KSR1: variants seen among roughly 807,000 people sequenced by gnomAD.
KSR1 encodes the protein kinase suppressor of ras 1, also known as kinase suppressor of ras.
Under a neutral mutation model 92.9 loss-of-function variants are expected in KSR1, and 35 were observed. That is an observed-to-expected ratio of 0.38 (90% CI 0.29 to 0.50). The LOEUF is 0.50. Among genes scored for constraint, KSR1 ranks in the 20% least tolerant of loss-of-function variants. The pLI is 0.94. For synonymous variants in KSR1, 467 were observed against 472.6 expected (o/e 0.99, Z 0.15); for missense variants, 972 against 1,158.5 (o/e 0.84, Z 2.34).
chr17:27,515,825 G>A (rs986417203), intron 1 of KSR1, among the ~76,000 whole-genome samples: 3 of 152,022 alleles, frequency 2.0e-5, no homozygotes, highest in African/African-American at 7.2e-5. Context: ...CTCTAGGTTA[G>A]GTAGGGCTTT....
chr17:27,509,726 G>C (rs1211395711), intron 1 of KSR1, among the ~76,000 whole-genome samples: 1 of 152,184 alleles, frequency 6.6e-6, no homozygotes, highest in Non-Finnish European at 1.5e-5. Context: ...TATAGTCCCA[G>C]CTACTTAGGA....
intron 2 of KSR1, among the ~76,000 whole-genome samples, chr17:27,566,918 A>G (rs1347729007): frequency 1.3e-5 from 2 of 152,058 alleles, no homozygotes; most frequent in Non-Finnish European, 2.9e-5. Flanking sequence ...ATCCAGCTCT[A>G]CCTCTCCATG....
intron 10 of KSR1, among the ~76,000 whole-genome samples, chr17:27,598,421 G>A (rs887822644): frequency 1.3e-5 from 2 of 152,182 alleles, no homozygotes; most frequent in Non-Finnish European, 2.9e-5. Flanking sequence ...CCAGCAGGAG[G>A]CCAGGGAGCT....
At chr17:27,618,864 A>T (rs2074136196) in intron 19 of KSR1, among the ~76,000 whole-genome samples, 1 of 152,194 alleles carries the variant, frequency 6.6e-6, no homozygotes, top group African/African-American at 2.4e-5. Flanking sequence ...TTCCAAAAAA[A>T]ATTTTTGTAT....
chr17:27,516,794 G>A (rs568001211), intron 1 of KSR1, among the ~76,000 whole-genome samples: 1 of 152,176 alleles, frequency 6.6e-6, no homozygotes, highest in African/African-American at 2.4e-5. Context: ...ACAGCTTCAG[G>A]AGGTCCTGAG....
intron 1 of KSR1, among the ~76,000 whole-genome samples, chr17:27,522,764 G>A (rs1229851436): frequency 6.6e-6 from 1 of 152,220 alleles, no homozygotes; most frequent in Non-Finnish European, 1.5e-5. Flanking sequence ...CTTGCAAGAG[G>A]AGACACCATA....
chr17:27,488,580 G>C (rs1312644777), intron 1 of KSR1, among the ~76,000 whole-genome samples: 3 of 152,120 alleles, frequency 2.0e-5, no homozygotes, highest in Non-Finnish European at 4.4e-5. Flanking sequence ...GCTCACTTTG[G>C]GAGCACTTTG....
Position 27,611,193 on chromosome 17 carries a change from T to G in KSR1, c.2358-301T>G, listed in dbSNP as rs572442257. 31 of 371,064 alleles carry G rather than the reference T, an allele frequency of 8.4e-5. No individual in the cohort carries two copies. In the East Asian group the frequency reaches 1.4e-3, roughly 17 times the overall value. 23.0% of individuals were successfully genotyped at this position (371,064 alleles called of 1,614,324 possible). A position where few individuals can be genotyped will look rare whatever the true frequency, so the allele number is the denominator to read the frequency against. On this transcript the variant is annotated intron_variant, in intron 17 of 20. Transcript: ENST00000644974. ...TAGCCCCACTGAGGTGAAGCAGTTT[T>G]ACTGGGATCTTGCAGCTAGAAGGTG...
chr17:27,516,784 A>G (rs1235291317), intron 1 of KSR1, among the ~76,000 whole-genome samples: 1 of 152,216 alleles, frequency 6.6e-6, no homozygotes, highest in Non-Finnish European at 1.5e-5. Flanking sequence ...ATGACCCATG[A>G]CAGCTTCAGG....
At chr17:27,457,396 A>G (rs1225959560) in intron 1 of KSR1, among the ~76,000 whole-genome samples, 1 of 152,148 alleles carries the variant, frequency 6.6e-6, no homozygotes, top group Non-Finnish European at 1.5e-5. Flanking sequence ...AGTGTTGCTG[A>G]AACTGCATTT....
At chr17:27,601,945 G>A (rs745609675) in intron 11 of KSR1, 3 of 1,605,890 alleles carry the variant, frequency 1.9e-6, no homozygotes. Flanking sequence ...AAAGTTTAAA[G>A]GAAAACGCTT....
At chr17:27,560,249 A>G in intron 2 of KSR1, 1 of 375,730 alleles carries the variant, frequency 2.7e-6, no homozygotes, top group Non-Finnish European at 5.2e-6. Flanking sequence ...AAATGATTTC[A>G]GAGCCTGCTG....
chr17:27,514,318 C>G (rs1159178237), intron 1 of KSR1, among the ~76,000 whole-genome samples: 4 of 152,150 alleles, frequency 2.6e-5, no homozygotes, highest in African/African-American at 9.7e-5. Context: ...GGAATTATAA[C>G]CTGATATTAA....
At chr17:27,565,239 C>G (rs990094245) in intron 2 of KSR1, among the ~76,000 whole-genome samples, 3 of 152,126 alleles carry the variant, frequency 2.0e-5, no homozygotes, top group Non-Finnish European at 4.4e-5. Context: ...TGCTAGGCTT[C>G]TCTTTTTCTT....
intron 1 of KSR1, among the ~76,000 whole-genome samples, chr17:27,533,964 C>CGTATGTGT (rs150471625): frequency 6.6e-6 from 1 of 151,622 alleles, no homozygotes; most frequent in Non-Finnish European, 1.5e-5. Context: ...CGTGTGCGCA[C>CGTATGTGT]GTGTGTGTGT....
chr17:27,577,406 CT>C lies in KSR1; in HGVS notation c.373-85del, dbSNP rs2072551898. The C allele has an allele frequency of 1.2e-6, 1 of 813,540 alleles. No individual in the cohort carries two copies. The highest frequency in any genetic ancestry group is 1.7e-5 in the African/African-American group (1 of 57,628). The allele number at this position is 813,540 out of a possible 1,614,324, so 50.4% of individuals were successfully genotyped here. A position where few individuals can be genotyped will look rare whatever the true frequency, so the allele number is the denominator to read the frequency against. ...CCCAGCCAGCAGCTGGCCCCTGCCA[CT>C]CAGCAGGAGGCCAGCCTGAGGCTGA... On this transcript the variant is annotated intron_variant, in intron 2 of 20. Coordinates refer to ENST00000644974, the MANE Select transcript of KSR1 (RefSeq NM_001394583.1). The surrounding 1 kb of genome is among the most constrained non-coding windows in gnomAD (Gnocchi z 4.5).
intron 20 of KSR1, chr17:27,622,569 G>A (rs2074255767): frequency 6.6e-6 from 1 of 152,634 alleles, no homozygotes; most frequent in Non-Finnish European, 1.5e-5. Flanking sequence ...GCTTGGAAGG[G>A]TTGTGTCTTC....
At chr17:27,515,611 G>GTTTTTTTTTTTT (rs770675553) in intron 1 of KSR1, among the ~76,000 whole-genome samples, 3 of 109,050 alleles carry the variant, frequency 2.8e-5, no homozygotes, top group Admixed American at 9.2e-5. Flanking sequence ...CTGCTTCGTA[G>GTTTTTTTTTTTT]TTTTTTTTTT....
rs949132419 is a variant in KSR1 at position 27,608,887 on chromosome 17, C to A, written c.2092-309C>A. On this transcript the variant is annotated intron_variant, in intron 15 of 20. Transcript: ENST00000644974. ...AATCTCACTGTCCCTGACCCCCCGG[C>A]TCCCTGCCCATCACCCTGTTCACAC... 7.9e-5 allele frequency among the ~76,000 whole-genome samples: 12 copies of A among 152,336 alleles called. No homozygotes were observed. In the Middle Eastern group the frequency reaches 0.01, roughly 130 times the overall value.
Sources: allele counts gnomAD v4.1 joint callset (sites outside exome capture counted in the v4.1 genomes callset), GRCh38; gene constraint gnomAD v4.1.1; non-coding constraint Gnocchi (gnomAD v3.1); transcripts MANE v1.5; gene names NCBI Gene and HGNC (gene_info 2026-07-23, HGNC 2026-07-21).